The following FBXO39 variants were observed in gnomAD, a reference collection of about 807,000 sequenced individuals.
FBXO39 encodes the protein F-box protein 39, also known as F-box only protein 39.
In FBXO39, 22 loss-of-function variants were observed where a neutral mutation model predicts 36.6. The observed-to-expected ratio is 0.60, with a 90% CI of 0.43 to 0.86. The LOEUF (loss-of-function observed/expected upper bound fraction) is 0.86, where lower values mean the gene tolerates loss of function less well. Among genes scored for constraint, FBXO39 ranks in the 40% least tolerant of loss-of-function variants. The pLI, the probability that FBXO39 is intolerant of heterozygous loss-of-function variation, is 0.00. For synonymous variants in FBXO39, 206 were observed against 205.8 expected (o/e 1.00, Z -0.01); for missense variants, 536 against 543.9 (o/e 0.99, Z 0.14).
chr17:6,784,982 G>T (rs984729790), intron 2 of FBXO39, among the ~76,000 whole-genome samples: 1 of 144,870 alleles, frequency 6.9e-6, no homozygotes, highest in Non-Finnish European at 1.5e-5. Flanking sequence ...CACAAAAGAT[G>T]CAGAATAGCT....
intron 2 of FBXO39, among the ~76,000 whole-genome samples, chr17:6,781,771 A>G (rs1483291913): frequency 6.6e-6 from 1 of 152,188 alleles, no homozygotes; most frequent in African/African-American, 2.4e-5. Context: ...TCTTCCTCTA[A>G]GAACTACATG....
At chr17:6,777,862 G>C (rs181799358) in intron 1 of FBXO39, among the ~76,000 whole-genome samples, 1 of 152,220 alleles carries the variant, frequency 6.6e-6, no homozygotes, top group Admixed American at 6.5e-5. Context: ...TGGGCGGGAC[G>C]GGCTGCTGTT....
In FBXO39 at chr17:6,780,017, T is replaced by C. The variant is rs1319738131; in HGVS notation, c.149T>C (p.Met50Thr). 1.2e-6 allele frequency: 2 copies of C among 1,614,058 alleles called. No homozygotes were observed. ...GTCTGCAGAAAGTGGAACCAGATGA[T>C]GTATTCTGCTGAGCTCTGGCGGTAC... is the stretch of plus-strand genomic sequence containing the variant. The part of the protein sequence containing the change: ...ALVCRKWNQM[M>T]YSAELWRYRT... Residue 50 changes from methionine to threonine, a missense_variant, in exon 2 of 4, where the codon ATG (methionine) becomes ACG (threonine). Coordinates refer to ENST00000321535, the MANE Select transcript of FBXO39 (RefSeq NM_153230.3).
chr17:6,778,485 C>T (rs1041170087), intron 1 of FBXO39, among the ~76,000 whole-genome samples: 11 of 152,188 alleles, frequency 7.2e-5, no homozygotes, highest in African/African-American at 2.4e-4. Flanking sequence ...TACTAACTTG[C>T]TGTGAGACTA....
intron 1 of FBXO39, among the ~76,000 whole-genome samples, chr17:6,778,281 T>A (rs984751284): frequency 2.4e-4 from 37 of 152,306 alleles, no homozygotes; most frequent in African/African-American, 7.5e-4. Flanking sequence ...GGCAACGGAA[T>A]GGGACAGAGG....
At chr17:6,784,521 A>AAAAACG (rs1641611683) in intron 2 of FBXO39, among the ~76,000 whole-genome samples, 1 of 149,130 alleles carries the variant, frequency 6.7e-6, no homozygotes, top group African/African-American at 2.5e-5. Context: ...AGACTCCACC[A>AAAAACG]AAAACAAAAA....
chr17:6,777,434 T>C (rs887693797), intron 1 of FBXO39, among the ~76,000 whole-genome samples: 2 of 152,214 alleles, frequency 1.3e-5, no homozygotes, highest in Non-Finnish European at 2.9e-5. Flanking sequence ...GCAAAGGACA[T>C]GAACTCATTC....
chr17:6,785,802 A>T (rs755178843), intron 2 of FBXO39, among the ~76,000 whole-genome samples: 2 of 152,200 alleles, frequency 1.3e-5, no homozygotes, highest in Non-Finnish European at 2.9e-5. Context: ...CCACAATGAG[A>T]TATTATCTCA....
chr17:6,786,801 A>G lies in FBXO39; in HGVS notation c.1045A>G (p.Asn349Asp). 1 of 1,608,594 alleles carries G rather than the reference A, an allele frequency of 6.2e-7. No homozygotes were observed. Among genetic ancestry groups the G allele is most frequent in the South Asian group, 1.1e-5 (1 of 90,166 alleles). Residue 349 changes from asparagine (N) to aspartate (D), a missense_variant, in exon 3 of 4, where the codon AAC becomes GAC. Asn to Asp is a conservative substitution (Grantham distance 23, BLOSUM62 1). Transcript: ENST00000321535. Reference protein sequence around the residue: ...TLQKLTCEFNNNHESLDEELH... With the variant: ...TLQKLTCEFNDNHESLDEELH... Reference sequence around the variant, plus strand: ...CCAGAAATTAACTTGTGAATTCAACAACAACCATGAGTCACTCGACGAGGA... The same window carrying G: ...CCAGAAATTAACTTGTGAATTCAACGACAACCATGAGTCACTCGACGAGGA...
Position 6,779,975 on chromosome 17 carries a change from G to C in FBXO39, c.107G>C (p.Arg36Thr). The change falls in exon 2 of 4, where the codon AGG (arginine) becomes ACG (threonine). Residue 36 changes from arginine to threonine, a missense_variant. Arg to Thr is a moderately conservative substitution (Grantham distance 71). Transcript: ENST00000321535. Reference protein sequence around the residue: ...RVFWWLGDRDRSRAALVCRKW... With the variant: ...RVFWWLGDRDTSRAALVCRKW... ...TTCTGGTGGCTAGGAGACAGGGACAGGTCCAGGGCTGCTCTTGTCTGCAGA... is the reference window on the plus strand; with the variant it reads ...TTCTGGTGGCTAGGAGACAGGGACACGTCCAGGGCTGCTCTTGTCTGCAGA... 6.2e-7 allele frequency: 1 copy of C among 1,614,212 alleles called. No homozygotes were observed. Among genetic ancestry groups the C allele is most frequent in the Non-Finnish European group, 8.5e-7 (1 of 1,180,032 alleles).
chr17:6,776,412 C>T (rs1976411230), intron 1 of FBXO39, 140 bp downstream of exon 1: 1 of 151,420 alleles, frequency 6.6e-6, no homozygotes, highest in Non-Finnish European at 1.5e-5. Flanking sequence ...ATCACCCCCT[C>T]TGGGAAGCAT....
At chr17:6,781,025 C>A in intron 2 of FBXO39, 134 bp downstream of exon 2, 2 of 949,038 alleles carry the variant, frequency 2.1e-6, no homozygotes, top group East Asian at 2.6e-5. Context: ...GAAATACCAC[C>A]AACTAAGCCT....
At chr17:6,777,198 T>C (rs1266458209) in intron 1 of FBXO39, among the ~76,000 whole-genome samples, 2 of 152,072 alleles carry the variant, frequency 1.3e-5, no homozygotes, top group Admixed American at 6.5e-5. Context: ...CCCATCAACC[T>C]GTCATCTAGA....
chr17:6,786,212 AG>A (rs1369423537), intron 2 of FBXO39, among the ~76,000 whole-genome samples: 4 of 152,204 alleles, frequency 2.6e-5, no homozygotes, highest in Non-Finnish European at 5.9e-5. Context: ...GATGCAACTG[AG>A]GTTGTTATGT....
Position 6,787,471 on chromosome 17 carries a change from T to C in FBXO39, c.*43T>C. Reference sequence around the variant, plus strand: ...AAGAAAGCTGGGAGCACTTTGAACTTGAAAATCATTTCTCTTAGAACTACA... The same window carrying C: ...AAGAAAGCTGGGAGCACTTTGAACTCGAAAATCATTTCTCTTAGAACTACA... On this transcript the variant is annotated 3_prime_UTR_variant, in exon 4 of 4. Coordinates refer to ENST00000321535, the MANE Select transcript of FBXO39 (RefSeq NM_153230.3). 1.2e-6 allele frequency: 2 copies of C among 1,608,916 alleles called. No individual in the cohort carries two copies. Among genetic ancestry groups the C allele is most frequent in the Non-Finnish European group, 1.7e-6 (2 of 1,176,920 alleles).
intron 2 of FBXO39, among the ~76,000 whole-genome samples, chr17:6,783,343 CACTTTAAAGG>C (rs1976531297): frequency 6.6e-6 from 1 of 151,910 alleles, no homozygotes; most frequent in South Asian, 2.1e-4. Flanking sequence ...TCTAATGACA[CACTTTAAAGG>C]ACTGAAAAAA....
intron 2 of FBXO39, among the ~76,000 whole-genome samples, chr17:6,785,344 C>T (rs1030941904): frequency 6.6e-6 from 1 of 152,066 alleles, no homozygotes; most frequent in Non-Finnish European, 1.5e-5. Context: ...AAAATCAAAT[C>T]AAAATGGACT....
chr17:6,783,729 T>C (rs1374353748), intron 2 of FBXO39, among the ~76,000 whole-genome samples: 1 of 151,940 alleles, frequency 6.6e-6, no homozygotes, highest in Non-Finnish European at 1.5e-5. Flanking sequence ...GAACAGACCA[T>C]TGACAAGTAA....
At chr17:6,776,525 C>A (rs1436451446) in intron 1 of FBXO39, among the ~76,000 whole-genome samples, 10 of 152,178 alleles carry the variant, frequency 6.6e-5, no homozygotes. Context: ...GGTGGACCAA[C>A]CCTGGGTTCG....
Sources: gnomAD v4.1 joint callset for allele counts (sites outside exome capture counted in the v4.1 genomes callset) on GRCh38, gnomAD v4.1.1 for gene constraint, MANE v1.5 for transcripts, NCBI Gene and HGNC (gene_info 2026-07-23, HGNC 2026-07-21) for gene names.